Variants in TECTA observed in about 807,000 individuals in gnomAD.
TECTA encodes the protein tectorin alpha.
Under a neutral mutation model 216.8 loss-of-function variants are expected in TECTA, and 128 were observed. The ratio of observed to expected loss-of-function variants is 0.59; its 90% CI spans 0.51 to 0.68. The LOEUF (loss-of-function observed/expected upper bound fraction) is 0.68. Among genes scored for constraint, TECTA ranks in the 30% least tolerant of loss-of-function variants. TECTA has a pLI of 0.00. For missense variants in TECTA, 2,551 were observed against 2,786.2 expected, an observed-to-expected ratio of 0.92 and a Z score of 1.90; for synonymous variants, 1,089 against 1,117.1, an observed-to-expected ratio of 0.97 and a Z score of 0.50.
chr11:121,156,677 T>C (rs1946944559), intron 13 of TECTA, among the ~76,000 whole-genome samples: 3 of 149,120 alleles, frequency 2.0e-5, no homozygotes, highest in Non-Finnish European at 3.0e-5. Flanking sequence ...TTATTTGAAG[T>C]AGAGATGAGG....
At chr11:121,116,623 G>A (rs895586684) in intron 6 of TECTA, among the ~76,000 whole-genome samples, 3 of 152,134 alleles carry the variant, frequency 2.0e-5, no homozygotes, top group Admixed American at 6.5e-5. Flanking sequence ...ATGTGCCTCC[G>A]GACATATATC....
chr11:121,111,507 T>C (rs1485230914), intron 4 of TECTA, among the ~76,000 whole-genome samples: 3 of 152,130 alleles, frequency 2.0e-5, no homozygotes, highest in African/African-American at 7.2e-5. Flanking sequence ...TGAGCTGAGG[T>C]GCGTGCGGGT....
intron 6 of TECTA, among the ~76,000 whole-genome samples, chr11:121,115,849 G>T (rs1240226231): frequency 6.6e-6 from 1 of 152,078 alleles, no homozygotes; most frequent in African/African-American, 2.4e-5. Flanking sequence ...TAGAGATAGG[G>T]TCTCAGTATG....
rs191807578 is a variant in TECTA, at chr11:121,177,007, C to T, written c.5999+8082C>T. 1.4e-4 allele frequency among the ~76,000 whole-genome samples: 21 copies of T among 152,328 alleles called. No individual in the cohort carries two copies. In the East Asian group the frequency reaches 3.7e-3, roughly 27 times the overall value. ...CTGCATTCTTCACGTAGTTCTTGAGCCTTGGCTTTCAGCTCCATCAGCTCC... is the reference window on the plus strand; with the variant it reads ...CTGCATTCTTCACGTAGTTCTTGAGTCTTGGCTTTCAGCTCCATCAGCTCC... On this transcript the variant is annotated intron_variant, in intron 20 of 23. Transcript: ENST00000392793.
intron 2 of TECTA, among the ~76,000 whole-genome samples, chr11:121,104,316 A>T (rs1444448592): frequency 6.6e-6 from 1 of 152,012 alleles, no homozygotes; most frequent in Admixed American, 6.6e-5. Context: ...ATGTTAGAAG[A>T]CCCCTTTTCA....
chr11:121,142,650 GC>G (rs1308818162), intron 11 of TECTA, among the ~76,000 whole-genome samples: 3 of 152,172 alleles, frequency 2.0e-5, no homozygotes, highest in Non-Finnish European at 1.5e-5. Flanking sequence ...TGAGTGCAAG[GC>G]TTTTACTTTA....
In TECTA at chr11:121,137,416, T is replaced by A. The variant is rs1248533319; in HGVS notation, c.2942-5T>A. 6.2e-7 allele frequency: 1 copy of A among 1,613,770 alleles called. No homozygotes were observed. Among genetic ancestry groups the A allele is most frequent in the African/African-American group, 1.3e-5 (1 of 74,858 alleles). On this transcript the variant is annotated splice_polypyrimidine_tract_variant and splice_region_variant and intron_variant, in intron 10 of 23. Transcript: ENST00000392793. ...CAAACCCGTCTTCTCCTTGACCACC[T>A]GCAGCACTGGAGTGCCCAGAGAACA...
intron 20 of TECTA, among the ~76,000 whole-genome samples, chr11:121,174,220 A>G (rs1947141287): frequency 6.6e-6 from 1 of 151,692 alleles, no homozygotes; most frequent in Non-Finnish European, 1.5e-5. Flanking sequence ...AGAACTTCCA[A>G]CACTATGTTG....
intron 11 of TECTA, among the ~76,000 whole-genome samples, chr11:121,141,366 T>G (rs531189223): frequency 6.6e-6 from 1 of 152,292 alleles, no homozygotes; most frequent in East Asian, 1.9e-4. Flanking sequence ...GAGGGTGATA[T>G]GAAAGTGCTT....
intron 3 of TECTA, 58 bp downstream of exon 3, chr11:121,106,022 A>G: frequency 6.2e-7 from 1 of 1,613,692 alleles, no homozygotes; most frequent in South Asian, 1.1e-5. Context: ...TTTGTCATTA[A>G]GAAAAGCATT....
intron 20 of TECTA, among the ~76,000 whole-genome samples, chr11:121,182,333 G>C (rs1472718221): frequency 6.6e-6 from 1 of 151,990 alleles, no homozygotes; most frequent in Non-Finnish European, 1.5e-5. Flanking sequence ...TGCCAGTGGT[G>C]GTGGTGGTGG....
chr11:121,172,808 G>A (rs1039214436), intron 20 of TECTA, among the ~76,000 whole-genome samples: 1 of 152,030 alleles, frequency 6.6e-6, no homozygotes. Context: ...CCCACCAACA[G>A]TGTAAAAGTG....
intron 17 of TECTA, among the ~76,000 whole-genome samples, 200 bp from the exon 18 acceptor site, chr11:121,166,378 C>T (rs1183010117): frequency 2.0e-5 from 3 of 152,212 alleles, no homozygotes; most frequent in African/African-American, 7.2e-5. Context: ...TTTAAAAAGG[C>T]TCTGCTAATG....
chr11:121,130,312 G>T (rs142086643), intron 10 of TECTA, 101 bp downstream of exon 10: 655 of 1,358,418 alleles, frequency 4.8e-4, no homozygotes, highest in Non-Finnish European at 6.1e-4. Flanking sequence ...CTGAGCTCAA[G>T]GGTGATGTTA....
At chr11:121,153,119 G>C in intron 13 of TECTA, 39 bp downstream of exon 13, 1 of 1,590,844 alleles carries the variant, frequency 6.3e-7, no homozygotes, top group Non-Finnish European at 8.5e-7. Context: ...CCTTGCCAAT[G>C]ATCAGATTCC....
chr11:121,188,104 C>A, intron 21 of TECTA, 110 bp downstream of exon 21: 2 of 1,172,084 alleles, frequency 1.7e-6, no homozygotes, highest in Non-Finnish European at 2.5e-6. Flanking sequence ...TCCATAGATG[C>A]TTGGGGTGGA....
intron 16 of TECTA, 51 bp from the exon 17 acceptor site, chr11:121,165,222 T>G: frequency 6.0e-6 from 9 of 1,506,860 alleles, no homozygotes; most frequent in Non-Finnish European, 7.2e-6. Flanking sequence ...AGCTACCGCA[T>G]GTAGGTGTGA....
At chr11:121,133,912 GTC>G (rs1465049930) in intron 10 of TECTA, among the ~76,000 whole-genome samples, 1 of 152,128 alleles carries the variant, frequency 6.6e-6, no homozygotes, top group African/African-American at 2.4e-5. Flanking sequence ...CAAATATCCT[GTC>G]TGTCAGTCTA....
intron 18 of TECTA, among the ~76,000 whole-genome samples, chr11:121,167,327 GGA>G (rs1020023889): frequency 6.6e-6 from 1 of 152,130 alleles, no homozygotes; most frequent in Non-Finnish European, 1.5e-5. Context: ...GTGTCTACTT[GGA>G]AGGCTGACAT....
Sources: allele counts gnomAD v4.1 joint callset (sites outside exome capture counted in the v4.1 genomes callset), GRCh38; gene constraint gnomAD v4.1.1; transcripts MANE v1.5; gene names NCBI Gene and HGNC (gene_info 2026-07-23, HGNC 2026-07-21).